EPB41L3: variants seen among roughly 807,000 people sequenced by gnomAD.
The protein encoded by EPB41L3 is band 4.1-like protein 3.
EPB41L3 carries 57 observed loss-of-function variants against 127.1 expected under a neutral mutation model. The ratio of observed to expected loss-of-function variants is 0.45; its 90% confidence interval spans 0.36 to 0.56. EPB41L3 has a LOEUF of 0.56. Among genes scored for constraint, EPB41L3 ranks in the 20% least tolerant of loss-of-function variants. The pLI is 0.00. For synonymous variants in EPB41L3, 572 were observed against 549.5 expected (o/e 1.04, Z -0.57); for missense variants, 1,273 against 1,372.2 (o/e 0.93, Z 1.14).
chr18:5,464,571 T>C (rs997596739), intron 3 of EPB41L3, among the ~76,000 whole-genome samples: 11 of 152,274 alleles, frequency 7.2e-5, no homozygotes, highest in African/African-American at 2.4e-4. Flanking sequence ...TCGCTTTCCA[T>C]CTCTTTCCTT....
intron 1 of EPB41L3, among the ~76,000 whole-genome samples, chr18:5,520,557 T>TAAAAAAA (rs11339935): frequency 2.9e-5 from 3 of 105,184 alleles, no homozygotes; most frequent in Non-Finnish European, 4.1e-5. Context: ...TTTCCCAAAA[T>TAAAAAAA]AAAAAAAAAA....
Position 5,394,707 on chromosome 18 carries a change from G to A in EPB41L3, c.3240C>T (p.Ile1080=). 6.2e-7 allele frequency: 1 copy of A among 1,614,112 alleles called. No homozygotes were observed. The highest frequency in any genetic ancestry group is 8.5e-7 in the Non-Finnish European group (1 of 1,179,988). The change falls in exon 22 of 23, where the codon ATC becomes ATT. Residue 1080 remains isoleucine (I), a synonymous_variant. Transcript: ENST00000341928. ...TKVVVHKETE[I]TPEDGED ...GTCAATCCTCTCCATCTTCTGGTGTGATCTCTGTCTCTTTATGGACCACTA... is the reference window on the plus strand; with the variant it reads ...GTCAATCCTCTCCATCTTCTGGTGTAATCTCTGTCTCTTTATGGACCACTA...
Position 5,396,236 on chromosome 18 carries a change from T to C in EPB41L3, c.2938A>G (p.Thr980Ala). The C allele has an allele frequency of 6.2e-7, 1 of 1,614,224 alleles. No homozygotes were observed. The highest frequency in any genetic ancestry group is 8.5e-7 in the Non-Finnish European group (1 of 1,180,028). The change falls in exon 19 of 23, where the codon ACC becomes GCC. Residue 980 changes from threonine to alanine, a missense_variant. Coordinates refer to ENST00000341928, the MANE Select transcript of EPB41L3 (RefSeq NM_012307.5). ...ISTKEVPVVH[T>A]ETKTITYESS... ...TCATATGTGATGGTTTTGGTTTCGG[T>C]GTGAACTACTGGCACTTCCTTCGTG...
intron 1 of EPB41L3, among the ~76,000 whole-genome samples, chr18:5,518,179 A>G (rs942187428): frequency 1.3e-5 from 2 of 151,982 alleles, no homozygotes; most frequent in Non-Finnish European, 2.9e-5. Context: ...ATGGCCTTTC[A>G]AGGGTCCACA....
At chr18:5,630,345 C>T (rs765894473), upstream of EPB41L3, 5 of 517,244 alleles carry the variant, frequency 9.7e-6, no homozygotes, top group African/African-American at 3.9e-5. Context: ...TCCCGGCCTA[C>T]GCCCGGCTGC....
At chr18:5,590,675 TG>T (rs2094477549) in intron 3 of EPB41L3, among the ~76,000 whole-genome samples, 1 of 152,166 alleles carries the variant, frequency 6.6e-6, no homozygotes. Flanking sequence ...CACTGAGGAA[TG>T]GGCAAATACA....
intron 3 of EPB41L3, among the ~76,000 whole-genome samples, chr18:5,561,950 C>T (rs750441512): frequency 4.6e-5 from 7 of 152,054 alleles, no homozygotes; most frequent in African/African-American, 9.7e-5. Flanking sequence ...GGACATTCTA[C>T]GAAATGATGA....
In EPB41L3 at chr18:5,433,513, C is replaced by T. The variant is rs570437639; in HGVS notation, c.868G>A (p.Ala290Thr). The T allele has an allele frequency of 1.2e-5, 20 of 1,613,538 alleles. No homozygotes were observed. The highest frequency in any genetic ancestry group is 1.7e-5 in the Admixed American group (1 of 59,992). ...AEAEMHFLEN[A>T]KKLSMYGVDL... is the part of the protein sequence containing the mutation. ...ACCCCATACATTGATAATTTTTTGG[C>T]ATTTTCCAAGAAATGCATCTCTGCT... Residue 290 changes from alanine to threonine, a missense_variant, in exon 8 of 23, where the codon GCC becomes ACC. Physicochemically the swap from Ala to Thr is moderately conservative, Grantham distance 58. Transcript: ENST00000341928.
upstream of EPB41L3, among the ~76,000 whole-genome samples, chr18:5,545,873 CTGTGTGTGTGTG>C (rs36213569): frequency 0.045 from 6,627 of 146,958 alleles, 360 homozygotes; most frequent in African/African-American, 0.13. Context: ...CTGTATGACT[CTGTGTGTGTGTG>C]TGTGTGTGTG....
At chr18:5,426,361 A>C (rs1197103079) in intron 9 of EPB41L3, among the ~76,000 whole-genome samples, 8 of 152,138 alleles carry the variant, frequency 5.3e-5, no homozygotes, top group Admixed American at 5.2e-4. Context: ...AAAACCTTTG[A>C]TTATCCTGGA....
At chr18:5,398,861 A>G in intron 16 of EPB41L3, 1 of 399,248 alleles carries the variant, frequency 2.5e-6, no homozygotes, top group Non-Finnish European at 4.4e-6. Flanking sequence ...CCAGCTGTGG[A>G]GCCTTCTTGA....
At chr18:5,602,199 T>C (rs566149127) in intron 3 of EPB41L3, among the ~76,000 whole-genome samples, 1 of 152,314 alleles carries the variant, frequency 6.6e-6, no homozygotes, top group African/African-American at 2.4e-5. Context: ...GTTTTTCACA[T>C]GGGGTGTGGG....
At chr18:5,608,512 G>A (rs970239276) in intron 3 of EPB41L3, among the ~76,000 whole-genome samples, 2 of 152,054 alleles carry the variant, frequency 1.3e-5, no homozygotes, top group East Asian at 1.9e-4. Flanking sequence ...CTTGCACTTC[G>A]CTATTTTTAG....
chr18:5,508,696 G>C (rs2092353888), intron 1 of EPB41L3, among the ~76,000 whole-genome samples: 2 of 150,958 alleles, frequency 1.3e-5, no homozygotes. Context: ...GAACCTGGGA[G>C]GTGGAGGTTG....
At chr18:5,486,731 A>G (rs1347875514) in intron 2 of EPB41L3, among the ~76,000 whole-genome samples, 2 of 152,188 alleles carry the variant, frequency 1.3e-5, no homozygotes, top group African/African-American at 4.8e-5. Flanking sequence ...AAAATGCTCA[A>G]TATCACTAAT....
chr18:5,421,323 T>C (rs1459488693), intron 11 of EPB41L3, among the ~76,000 whole-genome samples: 1 of 152,004 alleles, frequency 6.6e-6, no homozygotes, highest in Non-Finnish European at 1.5e-5. Flanking sequence ...AAAAGTGCGA[T>C]TCTACAAAGT....
chr18:5,541,538 A>G (rs894008223), intron 1 of EPB41L3, among the ~76,000 whole-genome samples: 4 of 152,232 alleles, frequency 2.6e-5, no homozygotes, highest in African/African-American at 7.2e-5. Flanking sequence ...ATCTCTCAGT[A>G]CATGGATAGT....
intron 3 of EPB41L3, among the ~76,000 whole-genome samples, chr18:5,577,018 A>G (rs1450049080): frequency 6.6e-6 from 1 of 151,992 alleles, no homozygotes; most frequent in Non-Finnish European, 1.5e-5. Flanking sequence ...GCATGTACTA[A>G]GTAAGAAGGA....
intron 13 of EPB41L3, among the ~76,000 whole-genome samples, chr18:5,414,159 G>A (rs2076517793): frequency 6.6e-6 from 1 of 152,148 alleles, no homozygotes; most frequent in Non-Finnish European, 1.5e-5. Context: ...TAATAACATT[G>A]TATTTGTAGA....
Sources: allele counts gnomAD v4.1 joint callset (sites outside exome capture counted in the v4.1 genomes callset), GRCh38; gene constraint gnomAD v4.1.1; transcripts MANE v1.5; gene names NCBI Gene and HGNC (gene_info 2026-07-23, HGNC 2026-07-21).